SH2B3: variants seen among roughly 807,000 people sequenced by gnomAD.
SH2B3 encodes SH2B adaptor protein 3, also known as SH2B adapter protein 3.
Under a neutral mutation model 51.9 loss-of-function variants are expected in SH2B3, and 43 were observed. That is an observed-to-expected ratio of 0.83 (90% CI 0.65 to 1.07). SH2B3 has a LOEUF of 1.07. Ranked by LOEUF, SH2B3 falls within the 50% of genes least tolerant of loss-of-function variation. SH2B3 has a pLI of 0.00. For missense variants in SH2B3, 952 were observed against 834.3 expected (o/e 1.14, Z -1.74); for synonymous variants, 396 against 376.0 (o/e 1.05, Z -0.62).
In SH2B3 at chr12:111,418,301, T is replaced by C. The variant is rs775725883; in HGVS notation, c.156T>C (p.His52=). 6 of 1,533,154 alleles carry C rather than the reference T, an allele frequency of 3.9e-6. No individual in the cohort carries two copies. The highest frequency in any genetic ancestry group is 5.2e-6 in the Non-Finnish European group (6 of 1,146,216). 95.0% of individuals were successfully genotyped at this position (1,533,154 alleles called of 1,614,324 possible). Residue 52 remains histidine, a synonymous_variant, in exon 2 of 8, where the codon CAT becomes CAC. Transcript: ENST00000341259. The surrounding 1 kb of genome is among the most constrained non-coding windows in gnomAD (Gnocchi z 6.7). ...ARQYWLFARE[H]PQHAPLRAEL... ...AGTACTGGCTGTTCGCCCGGGAGCATCCGCAGCACGCGCCGCTGCGCGCCG... is the reference window on the plus strand; with the variant it reads ...AGTACTGGCTGTTCGCCCGGGAGCACCCGCAGCACGCGCCGCTGCGCGCCG...
At chr12:111,421,084 G>A (rs1871514377) in intron 2 of SH2B3, among the ~76,000 whole-genome samples, 1 of 152,118 alleles carries the variant, frequency 6.6e-6, no homozygotes, top group Non-Finnish European at 1.5e-5. Flanking sequence ...CCACAGGTTC[G>A]ATTTCTCTGT....
In SH2B3 at chr12:111,418,530, C is replaced by T. The variant is rs1224496253; in HGVS notation, c.385C>T (p.Pro129Ser). The T allele has an allele frequency of 2.1e-6, 3 of 1,402,064 alleles. No individual in the cohort carries two copies. The highest frequency in any genetic ancestry group is 1.9e-6 in the Non-Finnish European group (2 of 1,079,814). The allele number at this position is 1,402,064 out of a possible 1,614,324, so 86.9% of individuals were successfully genotyped here. A position where few individuals can be genotyped will look rare whatever the true frequency, so the allele number is the denominator to read the frequency against. The change falls in exon 2 of 8, where the codon CCG (proline) becomes TCG (serine). Residue 129 changes from proline (P) to serine (S), a missense_variant. Transcript: ENST00000341259. The surrounding 1 kb of genome is among the most constrained non-coding windows in gnomAD (Gnocchi z 6.7). ...CTCTGAGGAGCTGGCCCCGCCGCGG[C>T]CGCCCGGGCCCTGCTCCTTCCAGCA... ...RSSEELAPPR[P>S]PGPCSFQHFR...
At chr12:111,428,034 T>C (rs1872149976) in intron 2 of SH2B3, among the ~76,000 whole-genome samples, 1 of 152,238 alleles carries the variant, frequency 6.6e-6, no homozygotes, top group Admixed American at 6.5e-5. Context: ...TAGAAGGACT[T>C]ACTGTCAGTA....
Position 111,447,376 on chromosome 12 carries a change from C to A in SH2B3, c.1068C>A (p.Asp356Glu), listed in dbSNP as rs1434848315. Residue 356 changes from aspartate to glutamate, a missense_variant, in exon 6 of 8, where the codon GAC becomes GAA. Asp to Glu is a conservative substitution (Grantham distance 45, BLOSUM62 2). Coordinates refer to ENST00000341259, the MANE Select transcript of SH2B3 (RefSeq NM_005475.3). Reference protein sequence around the residue: ...GLLDPACQKTDHFLSCYPWFH... With the variant: ...GLLDPACQKTEHFLSCYPWFH... Reference sequence around the variant, plus strand: ...TGGACCCGGCCTGCCAGAAGACGGACCATTTCCTGTCCTGCTACCCCTGGT... The same window carrying A: ...TGGACCCGGCCTGCCAGAAGACGGAACATTTCCTGTCCTGCTACCCCTGGT... The A allele has an allele frequency of 6.2e-7, 1 of 1,613,948 alleles. No homozygotes were observed. The highest frequency in any genetic ancestry group is 8.5e-7 in the Non-Finnish European group (1 of 1,179,984).
chr12:111,418,366 A>G lies in SH2B3; in HGVS notation c.221A>G (p.Tyr74Cys). The G allele has an allele frequency of 1.3e-6, 2 of 1,519,220 alleles. No homozygotes were observed. The highest frequency in any genetic ancestry group is 1.8e-6 in the Non-Finnish European group (2 of 1,139,356). The allele number at this position is 1,519,220 out of a possible 1,614,324, so 94.1% of individuals were successfully genotyped here. A position where few individuals can be genotyped will look rare whatever the true frequency, so the allele number is the denominator to read the frequency against. ...SLQFTDLFQR[Y>C]FCREVRDGRA... ...CAGTTCACCGACCTCTTCCAGCGCT[A>G]CTTCTGCCGCGAGGTGCGCGACGGA... Residue 74 changes from tyrosine (Y) to cysteine (C), a missense_variant, in exon 2 of 8, where the codon TAC (tyrosine) becomes TGC (cysteine). By Grantham distance (194) the Tyr-to-Cys change is radical (BLOSUM62 -2). Coordinates refer to ENST00000341259, the MANE Select transcript of SH2B3 (RefSeq NM_005475.3). The surrounding 1 kb of genome is among the most constrained non-coding windows in gnomAD (Gnocchi z 6.7).
upstream of SH2B3, among the ~76,000 whole-genome samples, chr12:111,405,222 T>C (rs1045385123): frequency 2.6e-5 from 4 of 152,014 alleles, no homozygotes; most frequent in African/African-American, 4.8e-5. This position sits in a 1 kb window ranked among gnomAD's most constrained non-coding sequence, Gnocchi z 5.4. Context: ...CCTCCTAGAA[T>C]TGGGGGACAG....
Position 111,418,122 on chromosome 12 carries a change from G to C in SH2B3, c.-24G>C, listed in dbSNP as rs1203097249. ...CCCCCACCCACGTGTCTTTCAGCCC[G>C]GCCGCACCACCTGGGTCTCCGCCAT... On this transcript the variant is annotated 5_prime_UTR_variant, in exon 2 of 8. Transcript: ENST00000341259. This position sits in a 1 kb window ranked among gnomAD's most constrained non-coding sequence, Gnocchi z 6.7. 2 of 1,476,436 alleles carry C rather than the reference G, an allele frequency of 1.4e-6. No individual in the cohort carries two copies. Among genetic ancestry groups the C allele is most frequent in the Non-Finnish European group, 1.8e-6 (2 of 1,125,094 alleles). The allele number at this position is 1,476,436 out of a possible 1,614,324, so 91.5% of individuals were successfully genotyped here.
At chr12:111,416,934 T>G (rs906153409) in intron 1 of SH2B3, among the ~76,000 whole-genome samples, 1 of 152,330 alleles carries the variant, frequency 6.6e-6, no homozygotes, top group Admixed American at 6.5e-5. Flanking sequence ...ACCCACTGTT[T>G]CAGGATGAGT....
At chr12:111,426,402 T>G (rs1167154713) in intron 2 of SH2B3, among the ~76,000 whole-genome samples, 3 of 141,630 alleles carry the variant, frequency 2.1e-5, no homozygotes, top group African/African-American at 6.2e-5. Flanking sequence ...TTTTTTTTTT[T>G]GTTAAGAGAG....
chr12:111,418,997 G>A lies in SH2B3; in HGVS notation c.732+120G>A, dbSNP rs1353633360. The stretch of plus-strand genomic sequence containing the variant: ...AGCTGGTGGCCACAGAGTGTCCAGA[G>A]GGAACTAGGCCCTCTTAAAAAAGAA... On this transcript the variant is annotated intron_variant, in intron 2 of 7. Transcript: ENST00000341259. The surrounding 1 kb of genome is among the most constrained non-coding windows in gnomAD (Gnocchi z 6.7). The A allele has an allele frequency of 5.1e-6, 5 of 981,400 alleles. No homozygotes were observed. Among genetic ancestry groups the A allele is most frequent in the Middle Eastern group, 3.5e-4 (1 of 2,860 alleles). 60.8% of individuals were successfully genotyped at this position (981,400 alleles called of 1,614,324 possible).
At position 111,447,820 on chromosome 12, in the gene SH2B3, A is replaced by T; in HGVS notation, c.1401A>T (p.Gln467His). ...RLSSYVVVVS[Q>H]PPGSCNTVLF... ...CCAGCTACGTGGTAGTCGTCTCCCAACCACCAGGTCTGACCCTACTGCCCT... is the reference window on the plus strand; with the variant it reads ...CCAGCTACGTGGTAGTCGTCTCCCATCCACCAGGTCTGACCCTACTGCCCT... The change falls in exon 7 of 8, where the codon CAA (glutamine) becomes CAT (histidine). Residue 467 changes from glutamine (Q) to histidine (H), a missense_variant. Coordinates refer to ENST00000341259, the MANE Select transcript of SH2B3 (RefSeq NM_005475.3). 6.2e-7 allele frequency: 1 copy of T among 1,613,682 alleles called. No individual in the cohort carries two copies. The highest frequency in any genetic ancestry group is 8.5e-7 in the Non-Finnish European group (1 of 1,179,832).
intron 2 of SH2B3, among the ~76,000 whole-genome samples, chr12:111,419,423 G>A (rs1251825121): frequency 6.6e-6 from 1 of 152,196 alleles, no homozygotes; most frequent in Non-Finnish European, 1.5e-5. Context: ...GATCATTTGA[G>A]GCCAGGGGTT....
chr12:111,446,800 C>T lies in SH2B3; in HGVS notation c.780C>T (p.Val260=), dbSNP rs779922436. 4 of 1,570,474 alleles carry T rather than the reference C, an allele frequency of 2.5e-6. No homozygotes were observed. Among genetic ancestry groups the T allele is most frequent in the Admixed American group, 1.7e-5 (1 of 57,324 alleles). Reference sequence around the variant, plus strand: ...CAGCTTGCTCCAGCATCCAGGAGGTCCGGTGGTGCACACGGCTTGAGATGC... The same window carrying T: ...CAGCTTGCTCCAGCATCCAGGAGGTTCGGTGGTGCACACGGCTTGAGATGC... ...LQAACSSIQE[V]RWCTRLEMPD... Residue 260 remains valine (V), a synonymous_variant, in exon 3 of 8, where the codon GTC becomes GTT. Transcript: ENST00000341259.
At chr12:111,405,291 T>C (rs1870164003), upstream of SH2B3, among the ~76,000 whole-genome samples, 1 of 152,030 alleles carries the variant, frequency 6.6e-6, no homozygotes, top group African/African-American at 2.4e-5. The surrounding 1 kb of genome is among the most constrained non-coding windows in gnomAD (Gnocchi z 5.4). Context: ...AAGGCAAAGC[T>C]GAGGGCTGGG....
chr12:111,443,309 G>A (rs191616229), intron 2 of SH2B3, among the ~76,000 whole-genome samples: 59 of 152,328 alleles, frequency 3.9e-4, no homozygotes, highest in Non-Finnish European at 6.0e-4. Flanking sequence ...TTTGCAGGGG[G>A]ACTGATCACA....
Position 111,447,110 on chromosome 12 carries a change from C to T in SH2B3, c.927-15C>T. On this transcript the variant is annotated splice_polypyrimidine_tract_variant and intron_variant, in intron 4 of 7. Coordinates refer to ENST00000341259, the MANE Select transcript of SH2B3 (RefSeq NM_005475.3). The stretch of plus-strand genomic sequence containing the variant: ...GACCTGCCCAGATCCTTAACCTCAG[C>T]CTCTTCTCCAGCAGGCTGGAGAGCA... 1 of 1,612,266 alleles carries T rather than the reference C, an allele frequency of 6.2e-7. No individual in the cohort carries two copies. The highest frequency in any genetic ancestry group is 8.5e-7 in the Non-Finnish European group (1 of 1,178,286).
In SH2B3 at chr12:111,448,171, G is replaced by T. The variant is rs776655476; in HGVS notation, c.1597G>T (p.Glu533Ter). 2 of 1,613,994 alleles carry T rather than the reference G, an allele frequency of 1.2e-6. No homozygotes were observed. Among genetic ancestry groups the T allele is most frequent in the African/African-American group, 2.7e-5 (2 of 74,886 alleles). Residue 533 changes from glutamate to a stop codon, truncating the protein, a stop_gained, in exon 8 of 8, where the codon GAA becomes TAA. Transcript: ENST00000341259. LOFTEE classifies it high-confidence loss of function. ...GATCTTCCACCTGGTGCCTTCGCCC[G>T]AAGAACTGGCCAACAGCCTGCAGCA... ...EQIFHLVPSP[E>*]ELANSLQHLE...
intron 4 of SH2B3, 29 bp downstream of exon 4, chr12:111,447,062 C>A (rs774583939): frequency 3.6e-5 from 58 of 1,608,184 alleles, no homozygotes; most frequent in Non-Finnish European, 4.5e-5. Flanking sequence ...GTCCCTGGCA[C>A]CACCTTTGCT....
chr12:111,411,271 T>G (rs1870676556), intron 1 of SH2B3, among the ~76,000 whole-genome samples: 1 of 150,648 alleles, frequency 6.6e-6, no homozygotes, highest in Non-Finnish European at 1.5e-5. Flanking sequence ...GAAGGACTGC[T>G]TAAACCCACA....
Sources: allele counts gnomAD v4.1 joint callset (sites outside exome capture counted in the v4.1 genomes callset), GRCh38; gene constraint gnomAD v4.1.1; non-coding constraint Gnocchi (gnomAD v3.1); transcripts MANE v1.5; gene names NCBI Gene and HGNC (gene_info 2026-07-23, HGNC 2026-07-21).